The following ADGRD1 variants were observed in gnomAD, a reference collection of about 807,000 sequenced individuals.
ADGRD1 encodes the protein adhesion G protein-coupled receptor D1, also known as G-protein coupled receptor 133.
In ADGRD1, 77 loss-of-function variants were observed where a neutral mutation model predicts 113.4. That is an observed-to-expected ratio of 0.68 (90% CI 0.57 to 0.82). The LOEUF is 0.82. Among genes scored for constraint, ADGRD1 ranks in the 40% least tolerant of loss-of-function variants. The pLI is 0.00. For synonymous variants in ADGRD1, 474 were observed against 475.0 expected, an observed-to-expected ratio of 1.00 and a Z score of 0.03; for missense variants, 1,036 against 1,139.1, an observed-to-expected ratio of 0.91 and a Z score of 1.30.
chr12:130,966,566 G>C lies in ADGRD1; in HGVS notation c.187+20G>C. On this transcript the variant is annotated intron_variant, in intron 3 of 24. Transcript: ENST00000261654. The surrounding 1 kb of genome is among the most constrained non-coding windows in gnomAD (Gnocchi z 4.6). ...CTGGAGGTAGAGACGCGGGTGCTGA[G>C]AGCGGCTGTGGGCGCGGGAATCCCA... 3.9e-6 allele frequency: 6 copies of C among 1,522,168 alleles called. No homozygotes were observed. Among genetic ancestry groups the C allele is most frequent in the Non-Finnish European group, 5.5e-6 (6 of 1,096,204 alleles). The allele number at this position is 1,522,168 out of a possible 1,614,324, so 94.3% of individuals were successfully genotyped here.
In ADGRD1 at chr12:131,057,261, C is replaced by G. The variant is rs1357637663; in HGVS notation, c.1474-19540C>G. Among the ~76,000 whole-genome samples the G allele has an allele frequency of 8.5e-5, 13 of 152,172 alleles. No individual in the cohort carries two copies. Among genetic ancestry groups the G allele is most frequent in the Admixed American group, 8.5e-4 (13 of 15,266 alleles). On this transcript the variant is annotated intron_variant, in intron 13 of 24. Coordinates refer to ENST00000261654, the MANE Select transcript of ADGRD1 (RefSeq NM_198827.5). The surrounding 1 kb of genome is among the most constrained non-coding windows in gnomAD (Gnocchi z 4.2). The stretch of plus-strand genomic sequence containing the variant: ...TTGAGAGAAGCTCTGTGCTTCACCC[C>G]TGAAGCTGGGTTGGATGGCATCAGT...
intron 18 of ADGRD1, among the ~76,000 whole-genome samples, chr12:131,117,522 C>A (rs1470717823): frequency 6.6e-6 from 1 of 152,128 alleles, no homozygotes; most frequent in Non-Finnish European, 1.5e-5. Context: ...CTCTTAGGGG[C>A]TCCGTAGAAA....
At chr12:130,991,325 C>T (rs1040717921) in intron 7 of ADGRD1, among the ~76,000 whole-genome samples, 2 of 152,122 alleles carry the variant, frequency 1.3e-5, no homozygotes, top group Non-Finnish European at 2.9e-5. Flanking sequence ...ATACCGGGCT[C>T]ATTCATGGGA....
rs1416335374 is a variant in ADGRD1, at chr12:130,953,967, G to C, written c.-499G>C. ...GTGTGAACTTGAGCCAGACCAGAAG[G>C]AGCTCGAGAGCGGCCGCAGGACAAG... On this transcript the variant is annotated 5_prime_UTR_variant, in exon 1 of 25. Coordinates refer to ENST00000261654, the MANE Select transcript of ADGRD1 (RefSeq NM_198827.5). 1 of 153,256 alleles carries C rather than the reference G, an allele frequency of 6.5e-6. No individual in the cohort carries two copies. Among genetic ancestry groups the C allele is most frequent in the Non-Finnish European group, 1.5e-5 (1 of 68,864 alleles). The allele number at this position is 153,256 out of a possible 1,614,324, so 9.5% of individuals were successfully genotyped here.
intron 13 of ADGRD1, among the ~76,000 whole-genome samples, chr12:131,029,273 TGAAC>T (rs1880335168): frequency 6.6e-6 from 1 of 152,242 alleles, no homozygotes; most frequent in Admixed American, 6.5e-5. Flanking sequence ...GATGAACACT[TGAAC>T]CTGCAGTGCG....
intron 13 of ADGRD1, among the ~76,000 whole-genome samples, chr12:131,044,045 C>G (rs763753822): frequency 3.9e-5 from 6 of 152,154 alleles, no homozygotes; most frequent in Non-Finnish European, 5.9e-5. Context: ...AACTTCAGGC[C>G]TCACACCGTG....
At chr12:131,124,389 T>C (rs940013369) in intron 20 of ADGRD1, among the ~76,000 whole-genome samples, 2 of 152,228 alleles carry the variant, frequency 1.3e-5, no homozygotes, top group East Asian at 3.8e-4. Flanking sequence ...AGGTTTGGGT[T>C]TGGGGAGTAT....
chr12:131,101,589 T>C (rs1434909661), intron 15 of ADGRD1, among the ~76,000 whole-genome samples: 2 of 152,038 alleles, frequency 1.3e-5, no homozygotes, highest in Non-Finnish European at 2.9e-5. Flanking sequence ...GATTTCACCA[T>C]GTTGGCCAGA....
At chr12:130,955,713 G>T (rs1164538918) in intron 2 of ADGRD1, among the ~76,000 whole-genome samples, 2 of 152,154 alleles carry the variant, frequency 1.3e-5, no homozygotes, top group African/African-American at 4.8e-5. Flanking sequence ...GCTTGGCTGG[G>T]CACCCCCCCG....
chr12:131,075,802 G>A lies in ADGRD1; in HGVS notation c.1474-999G>A, dbSNP rs1366620315. 6.6e-6 allele frequency among the ~76,000 whole-genome samples: 1 copy of A among 152,230 alleles called. No individual in the cohort carries two copies. The highest frequency in any genetic ancestry group is 1.5e-5 in the Non-Finnish European group (1 of 68,048). ...TGCACAAGTCAGTGCCTTCCTGAGG[G>A]CTGGTCACCCTGAAATGGGGGAAGG... is the stretch of plus-strand genomic sequence containing the variant. On this transcript the variant is annotated intron_variant, in intron 13 of 24. Coordinates refer to ENST00000261654, the MANE Select transcript of ADGRD1 (RefSeq NM_198827.5). This position sits in a 1 kb window ranked among gnomAD's most constrained non-coding sequence, Gnocchi z 5.3.
At chr12:130,973,756 T>C (rs1452498085) in intron 4 of ADGRD1, among the ~76,000 whole-genome samples, 1 of 151,956 alleles carries the variant, frequency 6.6e-6, no homozygotes, top group East Asian at 1.9e-4. Context: ...GCAGAACTTT[T>C]AAGATACTGT....
intron 8 of ADGRD1, among the ~76,000 whole-genome samples, chr12:130,997,189 C>T (rs1307918155): frequency 8.2e-5 from 3 of 36,606 alleles, no homozygotes; most frequent in Non-Finnish European, 1.9e-4. Flanking sequence ...GGGGGGCTGA[C>T]CCCCCCCCCC....
At position 130,978,627 on chromosome 12, in the gene ADGRD1, CGTTGA is replaced by C. The variant is rs1264225445; in HGVS notation, c.311-3253_311-3249del. ...CTCAGGTAGAAGTCATTGTTTTGTG[CGTTGA>C]GTTAACTAAATGAAAAGCTTGGTTA... On this transcript the variant is annotated intron_variant, in intron 4 of 24. Transcript: ENST00000261654. 1.2e-4 allele frequency: 19 copies of C among 152,258 alleles called. No homozygotes were observed. The East Asian group carries it at 3.3e-3, about 26-fold the overall frequency. 9.4% of individuals were successfully genotyped at this position (152,258 alleles called of 1,614,324 possible).
At chr12:131,090,649 C>T (rs575943496) in intron 15 of ADGRD1, among the ~76,000 whole-genome samples, 1 of 152,330 alleles carries the variant, frequency 6.6e-6, no homozygotes, top group Admixed American at 6.5e-5. Context: ...AAACGACACT[C>T]TGTCTTTGCA....
chr12:131,094,427 C>T (rs553414101), intron 15 of ADGRD1, among the ~76,000 whole-genome samples: 2 of 152,072 alleles, frequency 1.3e-5, no homozygotes, highest in East Asian at 3.9e-4. Flanking sequence ...GCAGGACGGT[C>T]TATTGCCCTG....
At chr12:130,985,736 G>A (rs955428845) in intron 5 of ADGRD1, among the ~76,000 whole-genome samples, 1 of 152,042 alleles carries the variant, frequency 6.6e-6, no homozygotes, top group African/African-American at 2.4e-5. Context: ...TATTTTTGTG[G>A]AGACGGGGTT....
Position 130,966,128 on chromosome 12 carries a change from G to A in ADGRD1, c.104-335G>A, listed in dbSNP as rs777264601. On this transcript the variant is annotated intron_variant, in intron 2 of 24. Transcript: ENST00000261654. This position sits in a 1 kb window ranked among gnomAD's most constrained non-coding sequence, Gnocchi z 4.6. ...CTAAAATAATGGTAAATAACAGCGGGATATGGAACATTCTTATCTTTTCCT... is the reference window on the plus strand; with the variant it reads ...CTAAAATAATGGTAAATAACAGCGGAATATGGAACATTCTTATCTTTTCCT... 8.5e-5 allele frequency among the ~76,000 whole-genome samples: 13 copies of A among 152,160 alleles called. No homozygotes were observed. The highest frequency in any genetic ancestry group is 1.8e-4 in the Non-Finnish European group (12 of 68,020).
chr12:131,066,438 G>C (rs927758022), intron 13 of ADGRD1, among the ~76,000 whole-genome samples: 2 of 152,190 alleles, frequency 1.3e-5, no homozygotes, highest in Non-Finnish European at 1.5e-5. Context: ...TTCACTCCCA[G>C]CAGGGATGCC....
chr12:131,004,511 G>C (rs1281751939), intron 11 of ADGRD1, among the ~76,000 whole-genome samples: 1 of 152,036 alleles, frequency 6.6e-6, no homozygotes, highest in Non-Finnish European at 1.5e-5. Flanking sequence ...TCATGGACAC[G>C]CTTGAGAGGT....
Sources: gnomAD v4.1 joint callset for allele counts (sites outside exome capture counted in the v4.1 genomes callset) on GRCh38, gnomAD v4.1.1 for gene constraint, Gnocchi (gnomAD v3.1) non-coding constraint, MANE v1.5 for transcripts, NCBI Gene and HGNC (gene_info 2026-07-23, HGNC 2026-07-21) for gene names.